The following ARMC9 variants were observed in gnomAD, a reference collection of about 807,000 sequenced individuals.
ARMC9 encodes the protein lisH domain-containing protein ARMC9.
ARMC9 carries 94 observed loss-of-function variants against 107.0 expected under a neutral mutation model. The observed-to-expected ratio is 0.88, with a 90% CI of 0.74 to 1.04. ARMC9 has a LOEUF of 1.04. ARMC9 is among the 50% of genes least tolerant of loss of function. ARMC9 has a pLI of 0.00. For synonymous variants in ARMC9, 380 were observed against 396.9 expected, an observed-to-expected ratio of 0.96 and a Z score of 0.51; for missense variants, 942 against 1,030.1, an observed-to-expected ratio of 0.91 and a Z score of 1.17.
At chr2:231,250,099 G>C (rs1264841934) in intron 9 of ARMC9, among the ~76,000 whole-genome samples, 2 of 152,184 alleles carry the variant, frequency 1.3e-5, no homozygotes, top group South Asian at 2.1e-4. Flanking sequence ...GCCTTTCCCT[G>C]AGCTCTCAGC....
intron 19 of ARMC9, among the ~76,000 whole-genome samples, chr2:231,303,465 C>T (rs1371801392): frequency 6.6e-6 from 1 of 152,188 alleles, no homozygotes; most frequent in Non-Finnish European, 1.5e-5. Flanking sequence ...CAGTCCTTCT[C>T]CATCTAGTAC....
At chr2:231,238,947 C>T (rs913081382) in intron 8 of ARMC9, among the ~76,000 whole-genome samples, 4 of 152,180 alleles carry the variant, frequency 2.6e-5, no homozygotes, top group African/African-American at 7.2e-5. Context: ...CTGCTTCCCA[C>T]GCAGTCCTGG....
chr2:231,363,883 CAAAAAAAAAA>C (rs1176736980), intron 23 of ARMC9, among the ~76,000 whole-genome samples: 10 of 16,268 alleles, frequency 6.1e-4, no homozygotes, highest in East Asian at 5.1e-3. Context: ...GACTCCGTCT[CAAAAAAAAAA>C]AAAAAAAAAA....
chr2:231,211,239 G>A (rs2032812731), intron 3 of ARMC9, among the ~76,000 whole-genome samples: 1 of 151,928 alleles, frequency 6.6e-6, no homozygotes, highest in Non-Finnish European at 1.5e-5. Context: ...GTGCTGTTGG[G>A]GCTGGGCGTG....
intron 20 of ARMC9, among the ~76,000 whole-genome samples, chr2:231,341,172 G>A (rs2044478105): frequency 6.6e-6 from 1 of 152,078 alleles, no homozygotes; most frequent in Non-Finnish European, 1.5e-5. Flanking sequence ...AGCCTAGGTG[G>A]CAGAGCAAGA....
intron 20 of ARMC9, among the ~76,000 whole-genome samples, chr2:231,336,468 G>A (rs924975969): frequency 2.6e-5 from 4 of 152,178 alleles, no homozygotes; most frequent in Non-Finnish European, 4.4e-5. Flanking sequence ...CAGCCGGGCC[G>A]CCTTGCAGCA....
At chr2:231,319,021 G>A (rs1182597408) in intron 19 of ARMC9, among the ~76,000 whole-genome samples, 8 of 152,108 alleles carry the variant, frequency 5.3e-5, no homozygotes, top group East Asian at 1.9e-4. Flanking sequence ...GGGGCCTTGC[G>A]GGAACAGGAA....
At chr2:231,229,266 C>A (rs564185124) in intron 7 of ARMC9, among the ~76,000 whole-genome samples, 10 of 152,158 alleles carry the variant, frequency 6.6e-5, no homozygotes, top group Non-Finnish European at 1.5e-4. Context: ...GCTGTAATAA[C>A]CAAAGGCACA....
chr2:231,213,039 C>T (rs1332250125), intron 3 of ARMC9, among the ~76,000 whole-genome samples: 1 of 152,164 alleles, frequency 6.6e-6, no homozygotes, highest in East Asian at 1.9e-4. Context: ...TGTAACCAAA[C>T]ACTGTTACAT....
chr2:231,349,786 C>A (rs7590471), intron 21 of ARMC9, among the ~76,000 whole-genome samples: 32,018 of 151,464 alleles, frequency 0.21, 8,658 homozygotes, highest in African/African-American at 0.64. Flanking sequence ...CAACTTAAAA[C>A]AAAAATGAGT....
chr2:231,371,783 G>C lies in ARMC9; in HGVS notation c.*248G>C, dbSNP rs1178982363. 2.6e-6 allele frequency: 1 copy of C among 390,172 alleles called. No homozygotes were observed. The highest frequency in any genetic ancestry group is 2.1e-5 in the African/African-American group (1 of 48,410). 24.2% of individuals were successfully genotyped at this position (390,172 alleles called of 1,614,324 possible). ...AGCCTGGCATTGCCCTCCTGGAGAG[G>C]GGAATTTCCTGCTCACCCTTCACAC... On this transcript the variant is annotated 3_prime_UTR_variant, in exon 25 of 25. Transcript: ENST00000611582.
At chr2:231,254,372 A>C (rs1428811031) in intron 9 of ARMC9, among the ~76,000 whole-genome samples, 1 of 152,180 alleles carries the variant, frequency 6.6e-6, no homozygotes, top group Non-Finnish European at 1.5e-5. Context: ...CTACCCTTCG[A>C]ATTGATGGAA....
chr2:231,372,846 T>A lies in ARMC9; in HGVS notation c.*1311T>A, dbSNP rs2046081357. On this transcript the variant is annotated 3_prime_UTR_variant, in exon 25 of 25. Transcript: ENST00000611582. ...GCCCACAGACCCTTCAATGGGGACA[T>A]CTCTGGTCCCAATGGTCGTAAATAA... is the stretch of plus-strand genomic sequence containing the variant. 6.6e-6 allele frequency: 1 copy of A among 152,054 alleles called. No individual in the cohort carries two copies. The highest frequency in any genetic ancestry group is 1.5e-5 in the Non-Finnish European group (1 of 68,038). 9.4% of individuals were successfully genotyped at this position (152,054 alleles called of 1,614,324 possible).
At chr2:231,314,347 G>C (rs2042542870) in intron 19 of ARMC9, among the ~76,000 whole-genome samples, 1 of 152,120 alleles carries the variant, frequency 6.6e-6, no homozygotes, top group African/African-American at 2.4e-5. Context: ...CAAAGTGCTG[G>C]GATTACAGGT....
At position 231,273,078 on chromosome 2, in the gene ARMC9, G is replaced by C. The variant is rs1346272173; in HGVS notation, c.1334G>C (p.Arg445Thr). The C allele has an allele frequency of 1.9e-6, 3 of 1,612,680 alleles. No homozygotes were observed. Among genetic ancestry groups the C allele is most frequent in the Non-Finnish European group, 2.5e-6 (3 of 1,179,184 alleles). Residue 445 changes from arginine (R) to threonine (T), a missense_variant and splice_region_variant, in exon 14 of 25, where the codon AGG becomes ACG. By Grantham distance (71) the Arg-to-Thr change is moderately conservative (BLOSUM62 -1). Coordinates refer to ENST00000611582, the MANE Select transcript of ARMC9 (RefSeq NM_001352754.2). ...VLGALQKFSL[R>T]RPLQTAMIQD... ...GGGGCCCTGCAGAAGTTCAGTCTCA[G>C]GTAACGACTGTGCAATAGGTCACGG... is the stretch of plus-strand genomic sequence containing the variant.
intron 20 of ARMC9, among the ~76,000 whole-genome samples, chr2:231,339,031 T>G (rs773854639): frequency 2.6e-5 from 4 of 152,222 alleles, no homozygotes; most frequent in Admixed American, 6.5e-5. Context: ...TCTTTTTACT[T>G]AAAAATTATA....
At chr2:231,301,975 C>T (rs1461782697) in intron 19 of ARMC9, among the ~76,000 whole-genome samples, 2 of 145,000 alleles carry the variant, frequency 1.4e-5, no homozygotes. Flanking sequence ...GACTCCATCT[C>T]AAAAAAAAAA....
Position 231,360,636 on chromosome 2 carries a change from C to T in ARMC9, c.2132-118C>T. On this transcript the variant is annotated intron_variant, in intron 22 of 24. Transcript: ENST00000611582. The surrounding 1 kb of genome is among the most constrained non-coding windows in gnomAD (Gnocchi z 4.7). ...TCCCAAGCCACAGGCGCCAGGGAGCCCGCAGGGCCTGGCCTGGGGTGCGTG... is the reference window on the plus strand; with the variant it reads ...TCCCAAGCCACAGGCGCCAGGGAGCTCGCAGGGCCTGGCCTGGGGTGCGTG... 4 of 1,474,962 alleles carry T rather than the reference C, an allele frequency of 2.7e-6. No homozygotes were observed. The highest frequency in any genetic ancestry group is 3.7e-6 in the Non-Finnish European group (4 of 1,094,714). The allele number at this position is 1,474,962 out of a possible 1,614,324, so 91.4% of individuals were successfully genotyped here.
intron 15 of ARMC9, among the ~76,000 whole-genome samples, chr2:231,277,117 G>A (rs1478943015): frequency 6.6e-6 from 1 of 152,148 alleles, no homozygotes; most frequent in Non-Finnish European, 1.5e-5. Flanking sequence ...GATACTATAG[G>A]ATTAAGCTGG....
Sources: gnomAD v4.1 joint callset for allele counts (sites outside exome capture counted in the v4.1 genomes callset) on GRCh38, gnomAD v4.1.1 for gene constraint, Gnocchi (gnomAD v3.1) non-coding constraint, MANE v1.5 for transcripts, NCBI Gene and HGNC (gene_info 2026-07-23, HGNC 2026-07-21) for gene names.